The following CNTNAP4 variants were observed in gnomAD, a reference collection of about 807,000 sequenced individuals.
The protein encoded by CNTNAP4 is contactin associated protein family member 4, also known as contactin-associated protein-like 4.
Under a neutral mutation model 148.4 loss-of-function variants are expected in CNTNAP4, and 98 were observed. That is an observed-to-expected ratio of 0.66 (90% CI 0.56 to 0.78). The LOEUF is 0.78. Among genes scored for constraint, CNTNAP4 ranks in the 30% least tolerant of loss-of-function variants. The pLI, the probability that CNTNAP4 is intolerant of heterozygous loss-of-function variation, is 0.00. For synonymous variants in CNTNAP4, 730 were observed against 565.1 expected (o/e 1.29, Z -4.14); for missense variants, 1,935 against 1,565.6 (o/e 1.24, Z -3.98).
chr16:76,489,129 T>C (rs1015981049), intron 12 of CNTNAP4, among the ~76,000 whole-genome samples: 6 of 152,164 alleles, frequency 3.9e-5, no homozygotes, highest in Non-Finnish European at 8.8e-5. Flanking sequence ...CTACAAAATT[T>C]TGACTTTATT....
intron 3 of CNTNAP4, among the ~76,000 whole-genome samples, chr16:76,363,738 G>C (rs928138297): frequency 6.6e-6 from 1 of 152,156 alleles, no homozygotes; most frequent in African/African-American, 2.4e-5. Flanking sequence ...CCATGTATCT[G>C]ATAGGGAGTT....
intron 9 of CNTNAP4, among the ~76,000 whole-genome samples, chr16:76,462,473 G>A (rs2081013185): frequency 6.6e-6 from 1 of 152,100 alleles, no homozygotes; most frequent in Non-Finnish European, 1.5e-5. Flanking sequence ...AGCTCCTTCA[G>A]AGCATCCTTA....
chr16:76,457,338 C>T (rs1031203016), intron 8 of CNTNAP4, among the ~76,000 whole-genome samples: 9 of 152,208 alleles, frequency 5.9e-5, no homozygotes, highest in African/African-American at 1.7e-4. Flanking sequence ...TATTAAGTCT[C>T]CTCATCATAG....
intron 10 of CNTNAP4, among the ~76,000 whole-genome samples, chr16:76,474,524 C>T (rs1005056428): frequency 2.6e-5 from 4 of 152,004 alleles, no homozygotes; most frequent in African/African-American, 7.2e-5. Flanking sequence ...ATAAGCAAAA[C>T]GGGAAGTTCT....
chr16:76,539,916 C>T (rs1301263417), intron 20 of CNTNAP4, 64 bp downstream of exon 20: 2 of 1,257,400 alleles, frequency 1.6e-6, no homozygotes. Context: ...GGATCTCAAG[C>T]AGAAATTTGA....
chr16:76,556,503 G>A (rs1019458124), intron 23 of CNTNAP4, among the ~76,000 whole-genome samples: 16 of 152,076 alleles, frequency 1.1e-4, no homozygotes, highest in African/African-American at 3.6e-4. Flanking sequence ...GATTTTGACT[G>A]TCTGGATATT....
intron 2 of CNTNAP4, among the ~76,000 whole-genome samples, chr16:76,316,975 G>A (rs1961825619): frequency 6.6e-6 from 1 of 152,032 alleles, no homozygotes; most frequent in Non-Finnish European, 1.5e-5. Context: ...TGGTCCTTTA[G>A]GAGTACTCAG....
At chr16:76,459,673 A>G (rs1452145673) in intron 8 of CNTNAP4, among the ~76,000 whole-genome samples, 2 of 152,252 alleles carry the variant, frequency 1.3e-5, no homozygotes, top group East Asian at 1.9e-4. Flanking sequence ...AAGAAATCAC[A>G]TGCAATATCA....
intron 15 of CNTNAP4, among the ~76,000 whole-genome samples, chr16:76,500,208 C>T (rs545548066): frequency 2.0e-5 from 3 of 152,066 alleles, no homozygotes; most frequent in East Asian, 3.9e-4. Flanking sequence ...CCCTCCCGGA[C>T]GGGGCGGCTG....
intron 1 of CNTNAP4, among the ~76,000 whole-genome samples, chr16:76,313,093 G>T (rs1420771072): frequency 2.0e-5 from 3 of 151,998 alleles, no homozygotes; most frequent in Admixed American, 2.0e-4. Flanking sequence ...CATATTACAT[G>T]TCTTTCTCCC....
chr16:76,302,484 G>A (rs1043366337), intron 1 of CNTNAP4, among the ~76,000 whole-genome samples: 4 of 152,024 alleles, frequency 2.6e-5, no homozygotes, highest in African/African-American at 9.7e-5. Flanking sequence ...CTATAACACG[G>A]TGATTTTCTC....
At chr16:76,522,584 TTCTCTCTC>T (rs140375003) in intron 17 of CNTNAP4, among the ~76,000 whole-genome samples, 1 of 145,226 alleles carries the variant, frequency 6.9e-6, no homozygotes, top group Non-Finnish European at 1.5e-5. Flanking sequence ...CCTCCTTTCT[TTCTCTCTC>T]TCTCTTTCTT....
At chr16:76,521,386 C>A in intron 16 of CNTNAP4, 76 bp downstream of exon 16, 1 of 1,172,392 alleles carries the variant, frequency 8.5e-7, no homozygotes, top group Non-Finnish European at 1.2e-6. Flanking sequence ...TTTTAAACTA[C>A]TCATGTGTCT....
intron 8 of CNTNAP4, among the ~76,000 whole-genome samples, chr16:76,460,773 A>AAAAAAAAAATATAT: frequency 5.2e-5 from 3 of 57,328 alleles, no homozygotes; most frequent in East Asian, 1.0e-3. Flanking sequence ...AAAAAAAAAA[A>AAAAAAAAAATATAT]ATATATATAT....
chr16:76,374,845 A>G (rs1230075486), intron 3 of CNTNAP4, among the ~76,000 whole-genome samples: 1 of 151,438 alleles, frequency 6.6e-6, no homozygotes, highest in African/African-American at 2.4e-5. Context: ...CTCGGCTCAC[A>G]GCAACCTCTG....
chr16:76,502,267 G>A (rs372850359), intron 15 of CNTNAP4, among the ~76,000 whole-genome samples: 2 of 152,018 alleles, frequency 1.3e-5, no homozygotes, highest in African/African-American at 2.4e-5. Context: ...TGCATGAAGC[G>A]TTCTTTATTT....
intron 2 of CNTNAP4, among the ~76,000 whole-genome samples, chr16:76,321,561 G>A (rs950201295): frequency 2.6e-5 from 4 of 152,116 alleles, no homozygotes; most frequent in African/African-American, 7.2e-5. Context: ...AGGCCAAAGC[G>A]GGTGGATCAC....
chr16:76,436,315 C>A (rs1354930934), intron 4 of CNTNAP4, among the ~76,000 whole-genome samples: 2 of 152,084 alleles, frequency 1.3e-5, no homozygotes, highest in Non-Finnish European at 2.9e-5. Context: ...TCAGTGTCCC[C>A]AGCTTCATCA....
At chr16:76,422,241 A>T (rs1479601773) in intron 3 of CNTNAP4, among the ~76,000 whole-genome samples, 4 of 152,174 alleles carry the variant, frequency 2.6e-5, no homozygotes, top group Non-Finnish European at 1.5e-5. Context: ...ATCATGTAAG[A>T]CATATAAAGT....
Sources: allele counts gnomAD v4.1 joint callset (sites outside exome capture counted in the v4.1 genomes callset), GRCh38; gene constraint gnomAD v4.1.1; transcripts MANE v1.5; gene names NCBI Gene and HGNC (gene_info 2026-07-23, HGNC 2026-07-21).